FUT8: variants seen among roughly 807,000 people sequenced by gnomAD.
FUT8 encodes fucosyltransferase 8, also known as alpha-(1,6)-fucosyltransferase.
A neutral mutation model predicts 71.3 loss-of-function variants in FUT8; 29 were observed. The observed-to-expected ratio is 0.41, with a 90% CI of 0.30 to 0.55. The LOEUF is 0.55. FUT8 is among the 20% of genes least tolerant of loss of function. The probability of loss-of-function intolerance (pLI) is 0.34; values close to 1 mark genes in which losing one functional copy is unlikely to be tolerated. For missense variants in FUT8, 544 were observed against 702.1 expected (o/e 0.77, Z 2.55); for synonymous variants, 254 against 239.3 (o/e 1.06, Z -0.57).
At chr14:65,585,583 A>ATGGATAAAACGAACGAAC (rs1887337644) in intron 3 of FUT8, among the ~76,000 whole-genome samples, 1 of 152,246 alleles carries the variant, frequency 6.6e-6, no homozygotes, top group African/African-American at 2.4e-5. Flanking sequence ...TTCTAAAAGT[A>ATGGATAAAACGAACGAAC]TGGATATTTT....
chr14:65,511,020 CT>C (rs1225352397), intron 2 of FUT8, among the ~76,000 whole-genome samples: 6 of 151,674 alleles, frequency 4.0e-5, no homozygotes, highest in African/African-American at 1.2e-4. Context: ...GTTTTTCTTC[CT>C]TTTTTTGATG....
chr14:65,425,039 T>C (rs1402326043), intron 1 of FUT8, among the ~76,000 whole-genome samples: 3 of 152,168 alleles, frequency 2.0e-5, no homozygotes, highest in African/African-American at 4.8e-5. Flanking sequence ...CCCAAATTTA[T>C]CAACATATTT....
In FUT8 at chr14:65,564,644, C is replaced by T. The variant is rs545982606; in HGVS notation, c.203+2878C>T. Among the ~76,000 whole-genome samples the T allele has an allele frequency of 1.3e-4, 20 of 152,056 alleles. No individual in the cohort carries two copies. In the South Asian group the frequency reaches 4.1e-3, roughly 32 times the overall value. Reference sequence around the variant, plus strand: ...AAAAACTATAGATGAATTCTACCTCCCTCTAGAATTCTGTTGTTCCCTCTT... The same window carrying T: ...AAAAACTATAGATGAATTCTACCTCTCTCTAGAATTCTGTTGTTCCCTCTT... On this transcript the variant is annotated intron_variant, in intron 3 of 10. Transcript: ENST00000673929.
chr14:65,429,888 GACTT>G (rs2065445396), intron 1 of FUT8, among the ~76,000 whole-genome samples: 1 of 111,494 alleles, frequency 9.0e-6, no homozygotes. Context: ...AAAAAAAAAA[GACTT>G]ACAAGAGACT....
chr14:65,555,444 C>T (rs1305283843), intron 2 of FUT8, among the ~76,000 whole-genome samples: 1 of 152,174 alleles, frequency 6.6e-6, no homozygotes, highest in Non-Finnish European at 1.5e-5. Context: ...CTTACTATAA[C>T]TTAGTTTCCT....
At chr14:65,411,985 T>A (rs1448336541), upstream of FUT8, 2 of 455,808 alleles carry the variant, frequency 4.4e-6, no homozygotes, top group East Asian at 1.4e-4. Flanking sequence ...ATTTTCCGAG[T>A]CCGAGCGGGT....
chr14:65,699,301 G>A (rs1395959106), intron 7 of FUT8, among the ~76,000 whole-genome samples: 1 of 152,120 alleles, frequency 6.6e-6, no homozygotes, highest in East Asian at 1.9e-4. Flanking sequence ...TAGAGGTAAT[G>A]TAACCTGGTA....
Position 65,624,926 on chromosome 14 carries a change from T to C in FUT8, c.483-4566T>C, listed in dbSNP as rs1187161727. Among the ~76,000 whole-genome samples the C allele has an allele frequency of 3.3e-5, 5 of 152,100 alleles. No homozygotes were observed. The East Asian group carries it at 9.7e-4, about 29-fold the overall frequency. On this transcript the variant is annotated intron_variant, in intron 5 of 10. Transcript: ENST00000673929. ...CTATAAACAGAAAAAATTAGCCGGG[T>C]GTGGTGGTGCATGCCTGTAATCCCA...
intron 7 of FUT8, among the ~76,000 whole-genome samples, chr14:65,671,044 A>G (rs1272568950): frequency 1.3e-5 from 2 of 152,184 alleles, no homozygotes; most frequent in Non-Finnish European, 2.9e-5. Flanking sequence ...TTAGGAAGAT[A>G]CTAAATTTGT....
chr14:65,357,656 A>T, the FUT8 span, among the ~76,000 whole-genome samples: 1 of 152,100 alleles, frequency 6.6e-6, no homozygotes, highest in Non-Finnish European at 1.5e-5. Context: ...CTATGTGTAA[A>T]CCTCGGCTCT....
intron 3 of FUT8, among the ~76,000 whole-genome samples, chr14:65,596,396 T>G (rs187365522): frequency 5.4e-4 from 83 of 152,360 alleles, no homozygotes; most frequent in African/African-American, 1.8e-3. Flanking sequence ...TTAGAACTCT[T>G]GATATTATCA....
intron 7 of FUT8, among the ~76,000 whole-genome samples, chr14:65,704,618 A>C (rs1296802181): frequency 6.6e-6 from 1 of 152,186 alleles, no homozygotes; most frequent in Non-Finnish European, 1.5e-5. Context: ...TGAATCATCA[A>C]AGAGACTGTT....
chr14:65,475,363 T>C (rs1199628691), intron 2 of FUT8, among the ~76,000 whole-genome samples: 1 of 152,104 alleles, frequency 6.6e-6, no homozygotes, highest in African/African-American at 2.4e-5. Flanking sequence ...GGAGAGTCAT[T>C]TCACAGAGCT....
At position 65,692,416 on chromosome 14, in the gene FUT8, C is replaced by T. The variant is rs1566898945; in HGVS notation, c.835+22936C>T. Among the ~76,000 whole-genome samples the T allele has an allele frequency of 5.1e-4, 72 of 142,320 alleles. 1 individual carries two copies. The highest frequency in any genetic ancestry group is 1.7e-3 in the African/African-American group (64 of 38,402). The allele number at this position is 142,320 out of a possible 152,430, so 93.4% of individuals were successfully genotyped here. On this transcript the variant is annotated intron_variant, in intron 7 of 10. Coordinates refer to ENST00000673929, the MANE Select transcript of FUT8 (RefSeq NM_001371533.1). ...CTGGCCGGGCGGGGGGCTGACCCCC[C>T]CACCTCCCTCCCGGACGGGGCGGCT...
rs1226937037 is a variant in FUT8, at chr14:65,472,362, C to T, written c.-228+16644C>T. On this transcript the variant is annotated intron_variant, in intron 2 of 10. Coordinates refer to ENST00000673929, the MANE Select transcript of FUT8 (RefSeq NM_001371533.1). This position sits in a 1 kb window ranked among gnomAD's most constrained non-coding sequence, Gnocchi z 4.4. ...AATTTATTCTTGAGGGTTCTGACCC[C>T]TCCCCACCATGCCCAACAACATCTC... Among the ~76,000 whole-genome samples, 1 of 152,062 alleles carries T rather than the reference C, an allele frequency of 6.6e-6. No homozygotes were observed. The highest frequency in any genetic ancestry group is 2.4e-5 in the African/African-American group (1 of 41,392).
intron 2 of FUT8, among the ~76,000 whole-genome samples, chr14:65,559,922 T>A (rs963318342): frequency 6.6e-6 from 1 of 152,206 alleles, no homozygotes; most frequent in African/African-American, 2.4e-5. Flanking sequence ...GGATTATTCC[T>A]TTTTAATTTG....
At chr14:65,458,879 C>G (rs1594652897) in intron 2 of FUT8, among the ~76,000 whole-genome samples, 1 of 150,778 alleles carries the variant, frequency 6.6e-6, no homozygotes, top group East Asian at 1.9e-4. Context: ...ACCTTCACTT[C>G]CTGGGTTCAA....
chr14:65,658,412 AT>A (rs1416287247), intron 6 of FUT8, among the ~76,000 whole-genome samples: 1 of 152,172 alleles, frequency 6.6e-6, no homozygotes, highest in East Asian at 1.9e-4. Context: ...TACCAATATG[AT>A]CCAGCAATCA....
Position 65,733,216 on chromosome 14 carries a change from A to G in FUT8, c.1260-15A>G. ...TGATATCTATGACCATCTATAAATTAATTTATTTTTTCAGGTACCCCAATT... is the reference window on the plus strand; with the variant it reads ...TGATATCTATGACCATCTATAAATTGATTTATTTTTTCAGGTACCCCAATT... On this transcript the variant is annotated splice_polypyrimidine_tract_variant and intron_variant, in intron 9 of 10. Coordinates refer to ENST00000673929, the MANE Select transcript of FUT8 (RefSeq NM_001371533.1). 1 of 1,542,182 alleles carries G rather than the reference A, an allele frequency of 6.5e-7. No individual in the cohort carries two copies. Among genetic ancestry groups the G allele is most frequent in the African/African-American group, 1.4e-5 (1 of 72,954 alleles).
Sources: allele counts gnomAD v4.1 joint callset (sites outside exome capture counted in the v4.1 genomes callset), GRCh38; gene constraint gnomAD v4.1.1; non-coding constraint Gnocchi (gnomAD v3.1); transcripts MANE v1.5; gene names NCBI Gene and HGNC (gene_info 2026-07-23, HGNC 2026-07-21).